The following ANKRD45 variants were observed in gnomAD, a reference collection of about 807,000 sequenced individuals.
ANKRD45 encodes ankyrin repeat domain 45, also known as ankyrin repeat domain-containing protein 45.
Under a neutral mutation model 28.1 loss-of-function variants are expected in ANKRD45, and 21 were observed. The ratio of observed to expected loss-of-function variants is 0.75; its 90% CI spans 0.53 to 1.08. The LOEUF is 1.08. ANKRD45 is among the 50% of genes least tolerant of loss of function. The probability of loss-of-function intolerance (pLI) is 0.00; values close to 1 mark genes in which losing one functional copy is unlikely to be tolerated. For synonymous variants in ANKRD45, 86 were observed against 103.9 expected, an observed-to-expected ratio of 0.83 and a Z score of 1.05; for missense variants, 261 against 308.7, an observed-to-expected ratio of 0.85 and a Z score of 1.16.
At chr1:173,650,933 T>G (rs1017241671) in intron 2 of ANKRD45, among the ~76,000 whole-genome samples, 5 of 152,214 alleles carry the variant, frequency 3.3e-5, no homozygotes, top group African/African-American at 1.2e-4. Flanking sequence ...GCCCACTTTT[T>G]GATGGGGTTG....
the ANKRD45 span, among the ~76,000 whole-genome samples, chr1:173,680,139 C>G: frequency 6.6e-6 from 1 of 152,186 alleles, no homozygotes; most frequent in South Asian, 2.1e-4. Flanking sequence ...GGCAATTCCT[C>G]AAGGATCTAG....
At chr1:173,645,848 G>A (rs1358383958) in intron 3 of ANKRD45, among the ~76,000 whole-genome samples, 1 of 152,116 alleles carries the variant, frequency 6.6e-6, no homozygotes, top group Non-Finnish European at 1.5e-5. Flanking sequence ...AACATGCTCT[G>A]ACTTCCTATT....
At position 173,652,138 on chromosome 1, in the gene ANKRD45, T is replaced by C. The variant is rs1371881956; in HGVS notation, c.329-5125A>G. On this transcript the variant is annotated intron_variant, in intron 2 of 5. Coordinates refer to ENST00000333279, the MANE Select transcript of ANKRD45 (RefSeq NM_198493.3). ...CCAGAACTTCCAACACTATGTGGAA[T>C]AGGAGTGGTGAGAGAGGGCATCCCT... Among the ~76,000 whole-genome samples, 3 of 151,972 alleles carry C rather than the reference T, an allele frequency of 2.0e-5. No homozygotes were observed. In the East Asian group the frequency reaches 5.8e-4, roughly 29 times the overall value.
At chr1:173,703,731 T>G in the ANKRD45 span, among the ~76,000 whole-genome samples, 84 of 152,328 alleles carry the variant, frequency 5.5e-4, no homozygotes, top group African/African-American at 2.0e-3. Context: ...CTGTCCATTT[T>G]ATGGCTTGCA....
intron 5 of ANKRD45, among the ~76,000 whole-genome samples, chr1:173,611,578 C>T (rs937169912): frequency 3.8e-4 from 8 of 21,260 alleles, no homozygotes; most frequent in Admixed American, 2.1e-3. Flanking sequence ...TACATACATA[C>T]ACACACACAC....
intron 1 of ANKRD45, among the ~76,000 whole-genome samples, 169 bp downstream of exon 1, chr1:173,669,648 G>A (rs917621567): frequency 6.6e-6 from 1 of 152,154 alleles, no homozygotes; most frequent in Non-Finnish European, 1.5e-5. Flanking sequence ...GGCGGGGTAG[G>A]AGACCGGTGC....
chr1:173,631,822 G>C (rs6675955), intron 3 of ANKRD45, among the ~76,000 whole-genome samples: 25,834 of 151,662 alleles, frequency 0.17, 7,315 homozygotes, highest in African/African-American at 0.59. Flanking sequence ...TATACCAAAA[G>C]TATGGAATGC....
intron 1 of ANKRD45, among the ~76,000 whole-genome samples, chr1:173,668,289 G>T (rs1670107425): frequency 6.6e-6 from 1 of 152,186 alleles, no homozygotes; most frequent in East Asian, 1.9e-4. Flanking sequence ...GGCTTTGCAG[G>T]GAGGGAGGGC....
chr1:173,657,803 A>G (rs1669612311), intron 2 of ANKRD45: 1 of 148,642 alleles, frequency 6.7e-6, no homozygotes, highest in Non-Finnish European at 1.5e-5. Context: ...TAATTTATTC[A>G]ATTATTTTTC....
At chr1:173,646,739 T>G (rs56245196) in intron 3 of ANKRD45, 107 bp downstream of exon 3, 10 of 1,123,372 alleles carry the variant, frequency 8.9e-6, no homozygotes, top group Non-Finnish European at 1.3e-5. Context: ...TGACTGTGGT[T>G]GTATCTACAA....
rs552896036 is a variant in ANKRD45 at position 173,665,167 on chromosome 1, A to AAAC, written c.-16+4647_-16+4649dup. 3.8e-3 allele frequency among the ~76,000 whole-genome samples: 582 copies of AAAC among 152,152 alleles called. 3 individuals are homozygous for AAAC. Among genetic ancestry groups the AAAC allele is most frequent in the Non-Finnish European group, 6.9e-3 (471 of 67,984 alleles). On this transcript the variant is annotated intron_variant, in intron 1 of 5. Coordinates refer to ENST00000333279, the MANE Select transcript of ANKRD45 (RefSeq NM_198493.3). Reference sequence around the variant, plus strand: ...TACTTATTTTCTTTTTTAAAAAAATAAACAACAACAACAACAACAAAAAAC... The same window carrying AAAC: ...TACTTATTTTCTTTTTTAAAAAAATAAACAACAACAACAACAACAACAAAAAAC...
At chr1:173,710,522 G>A in the ANKRD45 span, among the ~76,000 whole-genome samples, 16 of 152,298 alleles carry the variant, frequency 1.1e-4, no homozygotes, top group African/African-American at 3.8e-4. Context: ...ATGTGCAATG[G>A]CCTGCTAGTG....
chr1:173,647,176 C>T (rs1412345446), intron 2 of ANKRD45, among the ~76,000 whole-genome samples, 163 bp from the exon 3 acceptor site: 2 of 152,124 alleles, frequency 1.3e-5, no homozygotes. Context: ...TTTTATAAAA[C>T]CACTATGATG....
chr1:173,634,984 G>T (rs541270127), intron 3 of ANKRD45, among the ~76,000 whole-genome samples: 2 of 152,118 alleles, frequency 1.3e-5, no homozygotes, highest in Non-Finnish European at 2.9e-5. Flanking sequence ...TGGGTTATGT[G>T]AAGTGGTATA....
chr1:173,666,856 A>G (rs762292058), intron 1 of ANKRD45, among the ~76,000 whole-genome samples: 4 of 152,138 alleles, frequency 2.6e-5, no homozygotes, highest in Non-Finnish European at 4.4e-5. Context: ...GGCTCAAGCA[A>G]TCCTCCCAAC....
At chr1:173,697,184 A>G in the ANKRD45 span, among the ~76,000 whole-genome samples, 11 of 152,186 alleles carry the variant, frequency 7.2e-5, no homozygotes, top group African/African-American at 2.4e-4. Flanking sequence ...CCAAATCTAC[A>G]TTTGATTGGT....
intron 5 of ANKRD45, among the ~76,000 whole-genome samples, chr1:173,613,216 T>A (rs1369523298): frequency 7.0e-6 from 1 of 142,904 alleles, no homozygotes; most frequent in East Asian, 2.2e-4. Context: ...CCGTCTGGGA[T>A]GTGAGGAGCA....
At chr1:173,614,994 T>C (rs1667397555) in intron 5 of ANKRD45, among the ~76,000 whole-genome samples, 1 of 152,028 alleles carries the variant, frequency 6.6e-6, no homozygotes, top group Non-Finnish European at 1.5e-5. Context: ...TTTTTTTGTA[T>C]TTTTAGTAGA....
At chr1:173,706,523 G>A in the ANKRD45 span, among the ~76,000 whole-genome samples, 6 of 151,820 alleles carry the variant, frequency 4.0e-5, no homozygotes, top group African/African-American at 1.4e-4. Context: ...ATTTTTAGTA[G>A]AGACGGGGTT....
Sources: allele counts gnomAD v4.1 joint callset (sites outside exome capture counted in the v4.1 genomes callset), GRCh38; gene constraint gnomAD v4.1.1; transcripts MANE v1.5; gene names NCBI Gene and HGNC (gene_info 2026-07-23, HGNC 2026-07-21).